The following PDE4D variants were observed in gnomAD, a reference collection of about 807,000 sequenced individuals.
PDE4D encodes 3',5'-cyclic-AMP phosphodiesterase 4D.
In PDE4D, 24 loss-of-function variants were observed where a neutral mutation model predicts 87.4. That is an observed-to-expected ratio of 0.27 (90% CI 0.20 to 0.39). The LOEUF (loss-of-function observed/expected upper bound fraction) is 0.39. PDE4D is among the 10% of genes least tolerant of loss of function. The probability of loss-of-function intolerance (pLI) is 1.00; values close to 1 mark genes in which losing one functional copy is unlikely to be tolerated. For synonymous variants in PDE4D, 384 were observed against 383.2 expected, an observed-to-expected ratio of 1.00 and a Z score of -0.02; for missense variants, 714 against 1,041.0, an observed-to-expected ratio of 0.69 and a Z score of 4.32.
At chr5:59,268,435 A>G (rs1276046829) in intron 1 of PDE4D, among the ~76,000 whole-genome samples, 1 of 152,062 alleles carries the variant, frequency 6.6e-6, no homozygotes, top group African/African-American at 2.4e-5. Context: ...ACCTGTACAC[A>G]GTTATATTTA....
At chr5:59,055,921 T>C (rs1014617964) in intron 5 of PDE4D, among the ~76,000 whole-genome samples, 2 of 152,216 alleles carry the variant, frequency 1.3e-5, no homozygotes, top group African/African-American at 4.8e-5. Flanking sequence ...TTCCAAAGCT[T>C]AGTTCAGAAG....
chr5:59,768,426 G>A, intron 1 of PDE4D: 2 of 1,598,352 alleles, frequency 1.3e-6, no homozygotes, highest in Non-Finnish European at 1.7e-6. Context: ...ATTTCACAAG[G>A]TCTTCGTTCA....
chr5:59,252,291 C>G, intron 1 of PDE4D, among the ~76,000 whole-genome samples: 1 of 152,062 alleles, frequency 6.6e-6, no homozygotes, highest in East Asian at 1.9e-4. Flanking sequence ...ACTACGTTCC[C>G]CATAAAGCAA....
intron 1 of PDE4D, among the ~76,000 whole-genome samples, chr5:60,465,560 C>G (rs115242477): frequency 6.6e-6 from 1 of 152,004 alleles, no homozygotes; most frequent in South Asian, 2.1e-4. Flanking sequence ...TATTTGTATG[C>G]TCGTCAAGCT....
At chr5:60,014,845 C>T (rs1765364869) in intron 2 of PDE4D, among the ~76,000 whole-genome samples, 1 of 152,142 alleles carries the variant, frequency 6.6e-6, no homozygotes, top group Admixed American at 6.5e-5. Context: ...CGAATGAGGG[C>T]CATTTCTTAC....
chr5:59,781,110 G>A (rs1764573822), intron 1 of PDE4D, among the ~76,000 whole-genome samples: 1 of 145,794 alleles, frequency 6.9e-6, no homozygotes. Flanking sequence ...AGGTTATGGT[G>A]AGCGGAGGTC....
At chr5:59,027,812 C>T (rs1185197999) in intron 6 of PDE4D, among the ~76,000 whole-genome samples, 1 of 151,668 alleles carries the variant, frequency 6.6e-6, no homozygotes, top group Non-Finnish European at 1.5e-5. Flanking sequence ...AGTCTTGGTT[C>T]CTTTTACCAG....
Position 59,046,416 on chromosome 5 carries a change from GAGAA to G in PDE4D, c.809-7449_809-7446del, listed in dbSNP as rs528012998. Among the ~76,000 whole-genome samples the G allele has an allele frequency of 4.9e-3, 719 of 145,974 alleles. 10 individuals are homozygous for G. Among genetic ancestry groups the G allele is most frequent in the African/African-American group, 0.018 (693 of 39,062 alleles). Reference sequence around the variant, plus strand: ...GGCATGAAAGAGTGAGAGAGAGAGAGAGAATGTGTGTGTGTGTGTGTGTGTGTAT... The same window carrying G: ...GGCATGAAAGAGTGAGAGAGAGAGAGTGTGTGTGTGTGTGTGTGTGTGTAT... On this transcript the variant is annotated intron_variant, in intron 5 of 14. Coordinates refer to ENST00000340635, the MANE Select transcript of PDE4D (RefSeq NM_001104631.2).
intron 1 of PDE4D, among the ~76,000 whole-genome samples, chr5:59,291,567 A>G (rs1311018249): frequency 1.3e-5 from 2 of 152,058 alleles, no homozygotes; most frequent in African/African-American, 2.4e-5. Flanking sequence ...TTAAGCAATT[A>G]TAGGGTAAAA....
At chr5:60,454,863 A>C (rs1015031595) in intron 1 of PDE4D, among the ~76,000 whole-genome samples, 7 of 152,136 alleles carry the variant, frequency 4.6e-5, no homozygotes, top group Admixed American at 3.3e-4. Flanking sequence ...TATAAACACA[A>C]AGACGAAGCG....
intron 1 of PDE4D, among the ~76,000 whole-genome samples, chr5:59,810,919 A>AGAT (rs1186888585): frequency 6.6e-6 from 1 of 152,240 alleles, no homozygotes; most frequent in African/African-American, 2.4e-5. Context: ...TACATTTAGC[A>AGAT]GATGGACTCA....
intron 5 of PDE4D, among the ~76,000 whole-genome samples, chr5:59,149,699 T>C (rs1437039167): frequency 4.4e-5 from 6 of 136,914 alleles, no homozygotes; most frequent in Non-Finnish European, 4.6e-5. Flanking sequence ...TCTCCCTCTC[T>C]CCTCGAGTTT....
chr5:60,125,450 T>C (rs1424018685), intron 2 of PDE4D, among the ~76,000 whole-genome samples: 1 of 152,142 alleles, frequency 6.6e-6, no homozygotes, highest in Non-Finnish European at 1.5e-5. Flanking sequence ...GCATTTATCT[T>C]CTATAGTAGA....
chr5:59,994,823 A>G (rs1454802896), intron 2 of PDE4D, among the ~76,000 whole-genome samples: 3 of 152,180 alleles, frequency 2.0e-5, no homozygotes, highest in Non-Finnish European at 4.4e-5. Context: ...TTATGTGTAT[A>G]TCTCTAAAGG....
intron 1 of PDE4D, among the ~76,000 whole-genome samples, chr5:59,286,467 C>T (rs1337254428): frequency 1.3e-5 from 2 of 152,102 alleles, no homozygotes; most frequent in Non-Finnish European, 2.9e-5. Context: ...TTTTAAGTAA[C>T]ATCTCAATAG....
chr5:59,483,969 T>C (rs1264112460), intron 1 of PDE4D, among the ~76,000 whole-genome samples: 2 of 152,220 alleles, frequency 1.3e-5, no homozygotes, highest in South Asian at 2.1e-4. Flanking sequence ...AAGATTATTA[T>C]GGTCTCTGTT....
At chr5:59,916,305 G>T (rs1301081936) in intron 3 of PDE4D, among the ~76,000 whole-genome samples, 1 of 152,076 alleles carries the variant, frequency 6.6e-6, no homozygotes, top group East Asian at 1.9e-4. Flanking sequence ...CAAAACAAAG[G>T]TGTGTGTATA....
chr5:59,027,871 A>T (rs914079315), intron 6 of PDE4D, among the ~76,000 whole-genome samples: 16 of 152,076 alleles, frequency 1.1e-4, no homozygotes, highest in African/African-American at 3.9e-4. Flanking sequence ...GCTCATTGCT[A>T]CTGGGGTATG....
chr5:59,559,336 C>T (rs79882302), intron 1 of PDE4D, among the ~76,000 whole-genome samples: 3 of 152,158 alleles, frequency 2.0e-5, no homozygotes, highest in Admixed American at 2.0e-4. Flanking sequence ...ATAATTCTTT[C>T]TTCACATGAG....
Sources: allele counts gnomAD v4.1 joint callset (sites outside exome capture counted in the v4.1 genomes callset), GRCh38; gene constraint gnomAD v4.1.1; transcripts MANE v1.5; gene names NCBI Gene and HGNC (gene_info 2026-07-23, HGNC 2026-07-21).